Variants in UNC5C observed in about 807,000 individuals in gnomAD.
The protein encoded by UNC5C is netrin receptor UNC5C.
In UNC5C, 47 loss-of-function variants were observed where a neutral mutation model predicts 99.8. That is an observed-to-expected ratio of 0.47 (90% CI 0.37 to 0.60). The LOEUF is 0.60. UNC5C is among the 20% of genes least tolerant of loss of function. The pLI is 0.00. For synonymous variants in UNC5C, 487 were observed against 452.2 expected (o/e 1.08, Z -0.98); for missense variants, 1,062 against 1,165.9 (o/e 0.91, Z 1.30).
intron 1 of UNC5C, among the ~76,000 whole-genome samples, chr4:95,397,697 C>T (rs1042514393): frequency 4.6e-5 from 7 of 152,210 alleles, no homozygotes; most frequent in African/African-American, 1.7e-4. Context: ...TGGCCAATAC[C>T]ATCCTTAAAA....
Position 95,309,649 on chromosome 4 carries a change from C to A in UNC5C, c.347-7900G>T, listed in dbSNP as rs1028235160. Among the ~76,000 whole-genome samples, 4 of 152,098 alleles carry A rather than the reference C, an allele frequency of 2.6e-5. No individual in the cohort carries two copies. The South Asian group carries it at 6.2e-4, about 24-fold the overall frequency. ...CCAAAAGACACGTTTCAAAAGAAGACATACAAATGGCCAAGGGTATATTAA... is the reference window on the plus strand; with the variant it reads ...CCAAAAGACACGTTTCAAAAGAAGAAATACAAATGGCCAAGGGTATATTAA... On this transcript the variant is annotated intron_variant, in intron 2 of 15. Transcript: ENST00000453304.
intron 11 of UNC5C, among the ~76,000 whole-genome samples, chr4:95,204,703 T>C (rs1318330206): frequency 6.6e-6 from 1 of 152,232 alleles, no homozygotes; most frequent in African/African-American, 2.4e-5. Flanking sequence ...GCAGGAATCA[T>C]GTCGACTTTG....
At chr4:95,512,297 T>A (rs140920774) in intron 1 of UNC5C, among the ~76,000 whole-genome samples, 1 of 152,294 alleles carries the variant, frequency 6.6e-6, no homozygotes, top group African/African-American at 2.4e-5. Flanking sequence ...ACCACTCTGA[T>A]GAAGGTATGA....
At chr4:95,489,683 A>G (rs1200557922) in intron 1 of UNC5C, among the ~76,000 whole-genome samples, 1 of 151,732 alleles carries the variant, frequency 6.6e-6, no homozygotes, top group East Asian at 2.0e-4. Context: ...TGGATTCTAC[A>G]TATGCCGTGA....
At chr4:95,266,157 A>G (rs942773940) in intron 4 of UNC5C, among the ~76,000 whole-genome samples, 1 of 152,218 alleles carries the variant, frequency 6.6e-6, no homozygotes, top group African/African-American at 2.4e-5. Flanking sequence ...ACAGGACTAT[A>G]GGTAGTGGTT....
chr4:95,211,175 G>A (rs1039695216), intron 10 of UNC5C, among the ~76,000 whole-genome samples: 6 of 152,148 alleles, frequency 3.9e-5, no homozygotes, highest in African/African-American at 1.4e-4. Context: ...TAGTGGACAT[G>A]TCTTTTATCT....
At chr4:95,462,595 G>A (rs1410738361) in intron 1 of UNC5C, among the ~76,000 whole-genome samples, 1 of 152,128 alleles carries the variant, frequency 6.6e-6, no homozygotes, top group Non-Finnish European at 1.5e-5. Context: ...GGGAAAGTCA[G>A]ATAAAGCTTT....
rs564506438 is a variant in UNC5C, at chr4:95,282,085, C to T, written c.491-3723G>A. 1.0e-3 allele frequency among the ~76,000 whole-genome samples: 159 copies of T among 152,114 alleles called. 2 individuals carry two copies. The South Asian group carries it at 0.031, about 30-fold the overall frequency. ...TCTTGTGCTTCACCAACTAGGCAATCGCTGAAGCACTGGAAACAGATGGCA... is the reference window on the plus strand; with the variant it reads ...TCTTGTGCTTCACCAACTAGGCAATTGCTGAAGCACTGGAAACAGATGGCA... On this transcript the variant is annotated intron_variant, in intron 3 of 15. Coordinates refer to ENST00000453304, the MANE Select transcript of UNC5C (RefSeq NM_003728.4).
intron 1 of UNC5C, among the ~76,000 whole-genome samples, chr4:95,424,518 C>CTTTCTTTCTTTTTTTTTTT (rs1746411107): frequency 1.5e-5 from 1 of 67,952 alleles, no homozygotes; most frequent in Non-Finnish European, 2.7e-5. Context: ...TTTTTCTTTT[C>CTTTCTTTCTTTTTTTTTTT]TTTTTTTTTT....
intron 1 of UNC5C, among the ~76,000 whole-genome samples, chr4:95,474,534 C>T (rs573888047): frequency 2.1e-4 from 32 of 152,102 alleles, no homozygotes; most frequent in East Asian, 5.8e-4. Flanking sequence ...AGGTGATCTA[C>T]GCCTCGGCCT....
chr4:95,456,888 A>G (rs1214340504), intron 1 of UNC5C, among the ~76,000 whole-genome samples: 11 of 152,120 alleles, frequency 7.2e-5, no homozygotes, highest in Admixed American at 7.2e-4. Context: ...ATTTTCTATG[A>G]CTATAATTAT....
chr4:95,366,379 T>C (rs184685902), intron 1 of UNC5C, among the ~76,000 whole-genome samples: 28 of 152,334 alleles, frequency 1.8e-4, no homozygotes, highest in Admixed American at 1.2e-3. Context: ...TCATCCAAGA[T>C]TTACTGTAAG....
At chr4:95,376,234 G>A (rs1314069929) in intron 1 of UNC5C, among the ~76,000 whole-genome samples, 1 of 151,176 alleles carries the variant, frequency 6.6e-6, no homozygotes, top group African/African-American at 2.4e-5. Flanking sequence ...TATCTTATGT[G>A]TATGTATATA....
In UNC5C at chr4:95,168,334, G is replaced by C. The variant is rs543676121; in HGVS notation, c.*900C>G. 9 of 152,100 alleles carry C rather than the reference G, an allele frequency of 5.9e-5. No homozygotes were observed. The highest frequency in any genetic ancestry group is 2.0e-4 in the Admixed American group (3 of 15,286). 9.4% of individuals were successfully genotyped at this position (152,100 alleles called of 1,614,324 possible). On this transcript the variant is annotated 3_prime_UTR_variant, in exon 16 of 16. Transcript: ENST00000453304. ...ACCCACCTTGATAGGTGAAAAGGTG[G>C]GACAGGTCTAGTCAATAACCAAATA...
chr4:95,170,447 T>C, intron 14 of UNC5C, 115 bp from the exon 15 acceptor site: 4 of 1,239,962 alleles, frequency 3.2e-6, no homozygotes, highest in Non-Finnish European at 4.5e-6. Flanking sequence ...TGAATGCTGT[T>C]ATTCTTCTTA....
rs1735718503 is a variant in UNC5C, at chr4:95,162,661, A to T, written c.*6573T>A. On this transcript the variant is annotated 3_prime_UTR_variant, in exon 16 of 16. Coordinates refer to ENST00000453304, the MANE Select transcript of UNC5C (RefSeq NM_003728.4). ...AGGGAGAGAAAAGAGGCACACCCGGAGCTGGTATCCCTCACCTCCACCACT... is the reference window on the plus strand; with the variant it reads ...AGGGAGAGAAAAGAGGCACACCCGGTGCTGGTATCCCTCACCTCCACCACT... 6.6e-6 allele frequency: 1 copy of T among 152,240 alleles called. No individual in the cohort carries two copies. Among genetic ancestry groups the T allele is most frequent in the African/African-American group, 2.4e-5 (1 of 41,536 alleles). 9.4% of individuals were successfully genotyped at this position (152,240 alleles called of 1,614,324 possible). A position where few individuals can be genotyped will look rare whatever the true frequency, so the allele number is the denominator to read the frequency against.
intron 3 of UNC5C, among the ~76,000 whole-genome samples, chr4:95,281,688 C>A (rs537914457): frequency 1.3e-5 from 2 of 152,304 alleles, no homozygotes; most frequent in South Asian, 2.1e-4. Context: ...TAACTTGGTA[C>A]AAACACTGAG....
chr4:95,485,844 C>T (rs1721313434), intron 1 of UNC5C, among the ~76,000 whole-genome samples: 1 of 151,662 alleles, frequency 6.6e-6, no homozygotes, highest in Non-Finnish European at 1.5e-5. Context: ...CAGATCGTCA[C>T]TTTTATGAGT....
At chr4:95,370,113 T>C (rs977972412) in intron 1 of UNC5C, among the ~76,000 whole-genome samples, 1 of 152,176 alleles carries the variant, frequency 6.6e-6, no homozygotes, top group African/African-American at 2.4e-5. Context: ...ATGTGGCTAT[T>C]GAGCCTTGAA....
Sources: allele counts gnomAD v4.1 joint callset (sites outside exome capture counted in the v4.1 genomes callset), GRCh38; gene constraint gnomAD v4.1.1; transcripts MANE v1.5; gene names NCBI Gene and HGNC (gene_info 2026-07-23, HGNC 2026-07-21).